Variants in ABCG2 observed in about 807,000 individuals in gnomAD.
ABCG2 encodes broad substrate specificity ATP-binding cassette transporter ABCG2.
In ABCG2, 80 loss-of-function variants were observed where a neutral mutation model predicts 73.5. The observed-to-expected ratio is 1.09, with a 90% confidence interval of 0.91 to 1.31. The LOEUF (loss-of-function observed/expected upper bound fraction) is 1.31. Among genes scored for constraint, ABCG2 ranks in the 50% most tolerant of loss-of-function variants. The pLI is 0.00. For missense variants in ABCG2, 796 were observed against 786.2 expected (o/e 1.01, Z -0.15); for synonymous variants, 269 against 282.4 (o/e 0.95, Z 0.48).
At chr4:88,098,645 G>GAGATAGATAGATAGATAGATAGATAGAT (rs55760486) in intron 12 of ABCG2, among the ~76,000 whole-genome samples, 4 of 143,814 alleles carry the variant, frequency 2.8e-5, no homozygotes, top group Non-Finnish European at 1.5e-5. Context: ...GAGACAGGGA[G>GAGATAGATAGATAGATAGATAGATAGAT]AGATAGATAG....
chr4:88,201,149 A>C lies in ABCG2; in HGVS notation c.-20+29845T>G, dbSNP rs144379260. 9.4e-3 allele frequency among the ~76,000 whole-genome samples: 1,430 copies of C among 151,544 alleles called. 17 individuals carry two copies. The highest frequency in any genetic ancestry group is 0.033 in the African/African-American group (1,357 of 41,382). Reference sequence around the variant, plus strand: ...ATCAATAGAGAAAATTAACAAAAAAACAAAAGCCGGTTATTTGAAAAGATC... The same window carrying C: ...ATCAATAGAGAAAATTAACAAAAAACCAAAAGCCGGTTATTTGAAAAGATC... On this transcript the variant is annotated intron_variant, in intron 1 of 15. Transcript: ENST00000515655.
At chr4:88,132,057 G>A in intron 3 of ABCG2, 140 bp from the exon 4 acceptor site, 1 of 587,848 alleles carries the variant, frequency 1.7e-6, no homozygotes, top group Non-Finnish European at 3.0e-6. Flanking sequence ...AAAATTAACT[G>A]GTCAAGAAAT....
chr4:88,125,124 C>G (rs1560688378), intron 5 of ABCG2, among the ~76,000 whole-genome samples: 3 of 151,034 alleles, frequency 2.0e-5, no homozygotes, highest in Non-Finnish European at 4.4e-5. Flanking sequence ...AACCCCGTCT[C>G]TACTAAAAAT....
At position 88,100,650 on chromosome 4, in the gene ABCG2, C is replaced by CA. The variant is rs530678130; in HGVS notation, c.1367+579dup. ...GGGCGACAAAGCAAGACCCTGTCTC[C>CA]AAAAAATAAATAAATAAATAAATAG... On this transcript the variant is annotated intron_variant, in intron 11 of 15. Transcript: ENST00000237612. Among the ~76,000 whole-genome samples the CA allele has an allele frequency of 6.6e-4, 101 of 151,914 alleles. 1 individual carries two copies. The South Asian group carries it at 0.015, about 23-fold the overall frequency.
chr4:88,222,065 C>G (rs1202102830), intron 1 of ABCG2, among the ~76,000 whole-genome samples: 1 of 152,146 alleles, frequency 6.6e-6, no homozygotes, highest in Non-Finnish European at 1.5e-5. Flanking sequence ...AACCTTGGGA[C>G]TTGGTGCCCT....
intron 9 of ABCG2, among the ~76,000 whole-genome samples, chr4:88,109,068 G>A (rs905516183): frequency 3.4e-5 from 5 of 148,476 alleles, no homozygotes; most frequent in South Asian, 2.1e-4. Context: ...GCGCGATCTC[G>A]GCTCACTGTA....
chr4:88,122,797 C>T (rs184917530), intron 5 of ABCG2, among the ~76,000 whole-genome samples: 1 of 152,350 alleles, frequency 6.6e-6, no homozygotes, highest in Admixed American at 6.5e-5. Flanking sequence ...TCTCCCAGCA[C>T]AGCGCTAGAG....
In ABCG2 at chr4:88,139,973, A is replaced by G. The variant is rs149877053; in HGVS notation, c.23T>C (p.Val8Ala). Reference protein sequence around the residue: MSSSNVEVFIPVSQGNTN... With the variant: MSSSNVEAFIPVSQGNTN... Reference sequence around the variant, plus strand: ...GTTTCCTTGTGACACTGGGATAAAAACTTCGACATTACTGGAAGACATCTG... The same window carrying G: ...GTTTCCTTGTGACACTGGGATAAAAGCTTCGACATTACTGGAAGACATCTG... The change falls in exon 2 of 16, where the codon GTT becomes GCT. Residue 8 changes from valine (V) to alanine (A), a missense_variant. Physicochemically the swap from Val to Ala is moderately conservative, Grantham distance 64. Coordinates refer to ENST00000237612, the MANE Select transcript of ABCG2 (RefSeq NM_004827.3). 11 of 1,613,966 alleles carry G rather than the reference A, an allele frequency of 6.8e-6. No homozygotes were observed. Among genetic ancestry groups the G allele is most frequent in the Non-Finnish European group, 9.3e-6 (11 of 1,180,004 alleles).
intron 7 of ABCG2, among the ~76,000 whole-genome samples, chr4:88,116,948 C>A (rs573094502): frequency 6.6e-6 from 1 of 152,156 alleles, no homozygotes; most frequent in South Asian, 2.1e-4. Flanking sequence ...GAAATTTTGG[C>A]CCATCTAAGT....
chr4:88,229,690 G>T (rs1342322669), intron 1 of ABCG2, among the ~76,000 whole-genome samples: 6 of 151,870 alleles, frequency 4.0e-5, no homozygotes, highest in Admixed American at 6.6e-5. Flanking sequence ...TTTTCCCATT[G>T]CTTTCTTCTC....
intron 10 of ABCG2, among the ~76,000 whole-genome samples, chr4:88,105,619 C>T (rs527852666): frequency 6.6e-6 from 1 of 152,156 alleles, no homozygotes; most frequent in African/African-American, 2.4e-5. Flanking sequence ...CCATCACACC[C>T]CTAAGTCAAA....
At chr4:88,095,232 A>G (rs768668606) in intron 14 of ABCG2, among the ~76,000 whole-genome samples, 8 of 152,160 alleles carry the variant, frequency 5.3e-5, no homozygotes, top group Non-Finnish European at 1.2e-4. Flanking sequence ...TTACTTCCTT[A>G]TTGAACTGAA....
chr4:88,155,230 C>T (rs1726856088), intron 1 of ABCG2, among the ~76,000 whole-genome samples: 1 of 152,116 alleles, frequency 6.6e-6, no homozygotes, highest in African/African-American at 2.4e-5. Context: ...AAGTATCCAA[C>T]CATGCCTAGG....
chr4:88,209,954 A>G (rs747044667), intron 1 of ABCG2, among the ~76,000 whole-genome samples: 4 of 152,130 alleles, frequency 2.6e-5, no homozygotes, highest in Non-Finnish European at 5.9e-5. Flanking sequence ...TTTTGACTGA[A>G]TACGTTTTTT....
At chr4:88,207,486 T>C (rs1729423226) in intron 1 of ABCG2, among the ~76,000 whole-genome samples, 1 of 152,166 alleles carries the variant, frequency 6.6e-6, no homozygotes, top group African/African-American at 2.4e-5. Context: ...ACAAGAAATC[T>C]GCTATTGGGT....
chr4:88,190,128 G>A (rs1728625083), intron 1 of ABCG2, among the ~76,000 whole-genome samples: 1 of 152,164 alleles, frequency 6.6e-6, no homozygotes, highest in Non-Finnish European at 1.5e-5. Flanking sequence ...TTAACTACAA[G>A]AGTTGTTGTT....
chr4:88,106,733 C>A (rs1722791418), intron 10 of ABCG2, among the ~76,000 whole-genome samples: 1 of 152,138 alleles, frequency 6.6e-6, no homozygotes, highest in African/African-American at 2.4e-5. Context: ...CTTAATGCCA[C>A]TGAACTGTAC....
chr4:88,116,262 T>G (rs969522395), intron 7 of ABCG2, among the ~76,000 whole-genome samples: 5 of 152,042 alleles, frequency 3.3e-5, no homozygotes, highest in African/African-American at 1.2e-4. Context: ...TAATTCCAAA[T>G]AGAGAACAAA....
chr4:88,160,400 G>A (rs917513080), upstream of ABCG2, among the ~76,000 whole-genome samples: 3 of 152,066 alleles, frequency 2.0e-5, no homozygotes, highest in African/African-American at 4.8e-5. Context: ...CAGAAAAAAT[G>A]AAAACATTTC....
Sources: gnomAD v4.1 joint callset for allele counts (sites outside exome capture counted in the v4.1 genomes callset) on GRCh38, gnomAD v4.1.1 for gene constraint, MANE v1.5 for transcripts, NCBI Gene and HGNC (gene_info 2026-07-23, HGNC 2026-07-21) for gene names.